The following RASA2 variants were observed in gnomAD, a reference collection of about 807,000 sequenced individuals.
RASA2 encodes the protein ras GTPase-activating protein 2.
In RASA2, 155 loss-of-function variants were observed where a neutral mutation model predicts 118.2. The ratio of observed to expected loss-of-function variants is 1.31; its 90% CI spans 1.15 to 1.50. The LOEUF is 1.50. Ranked by LOEUF, RASA2 falls within the 40% of genes most tolerant of loss-of-function variation. The probability of loss-of-function intolerance (pLI) is 0.00; values close to 1 mark genes in which losing one functional copy is unlikely to be tolerated. For synonymous variants in RASA2, 353 were observed against 349.1 expected (o/e 1.01, Z -0.12); for missense variants, 1,016 against 1,009.6 (o/e 1.01, Z -0.09).
intron 3 of RASA2, among the ~76,000 whole-genome samples, chr3:141,526,570 A>G (rs140905552): frequency 2.9e-3 from 443 of 152,176 alleles, no homozygotes; most frequent in African/African-American, 9.9e-3. Flanking sequence ...GTATCCTGCT[A>G]CCTATTAACT....
At chr3:141,579,368 A>G (rs2083064416) in intron 15 of RASA2, 1 of 152,226 alleles carries the variant, frequency 6.6e-6, no homozygotes, top group African/African-American at 2.4e-5. Flanking sequence ...AAAAAAATGA[A>G]GGAGCAAAGA....
At chr3:141,595,377 A>C (rs1275026095) in intron 19 of RASA2, among the ~76,000 whole-genome samples, 1 of 152,224 alleles carries the variant, frequency 6.6e-6, no homozygotes, top group African/African-American at 2.4e-5. Context: ...TAAATATATT[A>C]TAAAAGCACA....
intron 14 of RASA2, among the ~76,000 whole-genome samples, chr3:141,575,397 A>G (rs1239542152): frequency 1.3e-5 from 2 of 152,226 alleles, no homozygotes; most frequent in African/African-American, 4.8e-5. Flanking sequence ...AAATAAGGGG[A>G]GCCAGAGGCA....
chr3:141,525,296 G>A (rs1462077657), intron 3 of RASA2: 1 of 151,862 alleles, frequency 6.6e-6, no homozygotes, highest in Non-Finnish European at 1.5e-5. Context: ...GATTTGTTGG[G>A]ACGTTTGTTT....
intron 3 of RASA2, among the ~76,000 whole-genome samples, chr3:141,523,479 G>A (rs569753501): frequency 1.3e-5 from 2 of 152,012 alleles, no homozygotes; most frequent in South Asian, 2.1e-4. Flanking sequence ...TTATTAATTC[G>A]GGGCATAATT....
At chr3:141,560,044 A>G (rs755148284) in intron 9 of RASA2, 49 bp downstream of exon 9, 2 of 1,437,082 alleles carry the variant, frequency 1.4e-6, no homozygotes, top group Non-Finnish European at 1.9e-6. Flanking sequence ...TCTCTTTAGT[A>G]CAGTATATAT....
chr3:141,493,044 C>T (rs1018849851), intron 1 of RASA2, among the ~76,000 whole-genome samples: 6 of 152,154 alleles, frequency 3.9e-5, no homozygotes, highest in Admixed American at 6.5e-5. Context: ...AAGGTTCTTA[C>T]CCTTCATTTT....
At chr3:141,492,484 A>G (rs1342650003) in intron 1 of RASA2, among the ~76,000 whole-genome samples, 1 of 152,228 alleles carries the variant, frequency 6.6e-6, no homozygotes, top group East Asian at 1.9e-4. Flanking sequence ...GATAAACATT[A>G]AAAGTTTGTA....
chr3:141,567,461 A>G (rs980991303), intron 9 of RASA2, among the ~76,000 whole-genome samples: 2 of 152,180 alleles, frequency 1.3e-5, no homozygotes, highest in African/African-American at 4.8e-5. Flanking sequence ...ATTCTTAGAT[A>G]AAATATGTAA....
chr3:141,586,190 C>T, intron 18 of RASA2, 92 bp downstream of exon 18: 1 of 1,225,540 alleles, frequency 8.2e-7, no homozygotes, highest in Non-Finnish European at 1.1e-6. Flanking sequence ...GGAGATCTGG[C>T]TTTGTGTGCT....
At chr3:141,507,875 A>T (rs1016141281) in intron 1 of RASA2, among the ~76,000 whole-genome samples, 1 of 152,174 alleles carries the variant, frequency 6.6e-6, no homozygotes, top group Non-Finnish European at 1.5e-5. Context: ...GCCACAAGAG[A>T]GGCTGGGAAA....
intron 19 of RASA2, among the ~76,000 whole-genome samples, chr3:141,599,241 GTTTTTT>G (rs577049346): frequency 8.5e-6 from 1 of 117,794 alleles, no homozygotes; most frequent in African/African-American, 3.1e-5. Context: ...TGTTTTTTGG[GTTTTTT>G]TTTTTTTTTT....
At chr3:141,578,105 G>A (rs998454962) in intron 15 of RASA2, among the ~76,000 whole-genome samples, 9 of 152,186 alleles carry the variant, frequency 5.9e-5, no homozygotes, top group African/African-American at 1.4e-4. Context: ...ACTACTTTAT[G>A]TGTTAACTTA....
Position 141,571,546 on chromosome 3 carries a change from GGATACA to G in RASA2, c.1162_1167del (p.Asp388_Thr389del). The G allele has an allele frequency of 6.2e-7, 1 of 1,608,790 alleles. No individual in the cohort carries two copies. Among genetic ancestry groups the G allele is most frequent in the Non-Finnish European group, 8.5e-7 (1 of 1,176,800 alleles). On this transcript the variant is annotated inframe_deletion and splice_region_variant, in exon 11 of 24. Transcript: ENST00000286364. Reference sequence around the variant, plus strand: ...CTGCTGTGGCTGAATTAGACTTGAAGGATACACAGTAAGAGTTATATTTTATTAAAT... The same window carrying G: ...CTGCTGTGGCTGAATTAGACTTGAAGCAGTAAGAGTTATATTTTATTAAAT...
At chr3:141,584,756 TTG>T (rs1481862364) in intron 17 of RASA2, among the ~76,000 whole-genome samples, 9 of 152,202 alleles carry the variant, frequency 5.9e-5, no homozygotes, top group Admixed American at 3.9e-4. Flanking sequence ...GTAACCCTAA[TTG>T]TTACATTTAG....
intron 1 of RASA2, among the ~76,000 whole-genome samples, chr3:141,492,423 T>A (rs1468284708): frequency 3.3e-5 from 5 of 152,216 alleles, no homozygotes; most frequent in Non-Finnish European, 5.9e-5. Context: ...TTTTATGGCA[T>A]CTCTTTAGGT....
chr3:141,542,027 G>A (rs933953018), intron 5 of RASA2, among the ~76,000 whole-genome samples: 3 of 151,846 alleles, frequency 2.0e-5, no homozygotes, highest in African/African-American at 7.3e-5. Flanking sequence ...TGGTTTGTTT[G>A]CATTCAATTT....
At chr3:141,514,262 A>G (rs187809965) in intron 2 of RASA2, among the ~76,000 whole-genome samples, 6 of 152,332 alleles carry the variant, frequency 3.9e-5, no homozygotes, top group Non-Finnish European at 8.8e-5. Context: ...TTAAACAGAT[A>G]TTTCAGAAAA....
Position 141,608,524 on chromosome 3 carries a change from T to A in RASA2, c.2052T>A (p.Tyr684Ter). The change falls in exon 21 of 24, where the codon TAT becomes TAA. Residue 684 changes from tyrosine to a stop codon, truncating the protein, a stop_gained. Transcript: ENST00000286364. LOFTEE classifies it high-confidence loss of function. ...FQVIHTEKPL[Y>*]VQANNCVEAN... ...TAATACATACGGAGAAACCACTCTA[T>A]GTCCAGGCAAATAACTGTGTAGAAG... is the stretch of plus-strand genomic sequence containing the variant. 1 of 1,613,954 alleles carries A rather than the reference T, an allele frequency of 6.2e-7. No homozygotes were observed. The highest frequency in any genetic ancestry group is 8.5e-7 in the Non-Finnish European group (1 of 1,179,890).
Sources: allele counts gnomAD v4.1 joint callset (sites outside exome capture counted in the v4.1 genomes callset), GRCh38; gene constraint gnomAD v4.1.1; transcripts MANE v1.5; gene names NCBI Gene and HGNC (gene_info 2026-07-23, HGNC 2026-07-21).